ENDOD1: variants seen among roughly 807,000 people sequenced by gnomAD.
The protein encoded by ENDOD1 is endonuclease domain containing 1.
A neutral mutation model predicts 6.5 loss-of-function variants in ENDOD1; 9 were observed. That is an observed-to-expected ratio of 1.39 (90% CI 0.84 to 2.43). The LOEUF (loss-of-function observed/expected upper bound fraction) is 2.43. Among genes scored for constraint, ENDOD1 ranks in the 30% most tolerant of loss-of-function variants. The probability of loss-of-function intolerance (pLI) is 0.00; values close to 1 mark genes in which losing one functional copy is unlikely to be tolerated. For missense variants in ENDOD1, 648 were observed against 635.5 expected, an observed-to-expected ratio of 1.02 and a Z score of -0.21; for synonymous variants, 255 against 255.2, an observed-to-expected ratio of 1.00 and a Z score of 0.01.
At chr11:95,118,385 A>T (rs782801737) in intron 1 of ENDOD1, among the ~76,000 whole-genome samples, 2 of 152,126 alleles carry the variant, frequency 1.3e-5, no homozygotes, top group Non-Finnish European at 2.9e-5. Context: ...TTGTCTGGGA[A>T]AGTGGTTATT....
chr11:95,125,846 T>A (rs1286303129), intron 1 of ENDOD1, among the ~76,000 whole-genome samples: 1 of 152,188 alleles, frequency 6.6e-6, no homozygotes, highest in Non-Finnish European at 1.5e-5. Flanking sequence ...TCTATCACTG[T>A]TGGACATTTG....
intron 1 of ENDOD1, among the ~76,000 whole-genome samples, chr11:95,125,228 C>T (rs1377356138): frequency 6.6e-6 from 1 of 152,136 alleles, no homozygotes. Context: ...GGAATGAAGG[C>T]ACTGCACCAG....
chr11:95,125,250 A>G (rs1465138983), intron 1 of ENDOD1, among the ~76,000 whole-genome samples: 1 of 152,172 alleles, frequency 6.6e-6, no homozygotes, highest in Admixed American at 6.5e-5. Context: ...TTAAGTGCAT[A>G]CAAAATGCTC....
chr11:95,125,571 CT>C (rs1859303601), intron 1 of ENDOD1, among the ~76,000 whole-genome samples: 1 of 151,806 alleles, frequency 6.6e-6, no homozygotes, highest in Admixed American at 6.6e-5. Flanking sequence ...TTAGGTATAT[CT>C]CCTAATGCTA....
intron 1 of ENDOD1, among the ~76,000 whole-genome samples, chr11:95,113,177 A>G (rs899588542): frequency 6.6e-6 from 1 of 152,126 alleles, no homozygotes; most frequent in African/African-American, 2.4e-5. Context: ...TGCAATGTCT[A>G]ATAATCACAT....
chr11:95,128,849 T>A lies in ENDOD1; in HGVS notation c.773T>A (p.Leu258His). 6.2e-7 allele frequency: 1 copy of A among 1,614,174 alleles called. No individual in the cohort carries two copies. The highest frequency in any genetic ancestry group is 1.1e-5 in the South Asian group (1 of 91,072). The change falls in exon 2 of 2, where the codon CTT becomes CAT. Residue 258 changes from leucine (L) to histidine (H), a missense_variant. Transcript: ENST00000278505. ...ATGGTAAAAGATCTTCAGAAACTGC[T>A]TCCATTTAACCCTCAGCTGTTTCAG... ...DVMVKDLQKLLPFNPQLFQNN... is the reference protein window; with the variant it reads ...DVMVKDLQKLHPFNPQLFQNN...
At chr11:95,115,721 G>T (rs1859202505) in intron 1 of ENDOD1, among the ~76,000 whole-genome samples, 1 of 152,004 alleles carries the variant, frequency 6.6e-6, no homozygotes, top group Non-Finnish European at 1.5e-5. Context: ...TCTATCAAAT[G>T]CTTTTTCATC....
intron 1 of ENDOD1, among the ~76,000 whole-genome samples, chr11:95,110,811 G>C (rs944247295): frequency 2.6e-5 from 4 of 152,126 alleles, no homozygotes; most frequent in African/African-American, 9.7e-5. Context: ...ACTGGTCTCA[G>C]CTGGGACACC....
At chr11:95,103,855 T>A (rs1201613809) in intron 1 of ENDOD1, among the ~76,000 whole-genome samples, 1 of 152,242 alleles carries the variant, frequency 6.6e-6, no homozygotes. Flanking sequence ...GCATATATGT[T>A]AAGCATGTTG....
intron 1 of ENDOD1, among the ~76,000 whole-genome samples, chr11:95,115,846 G>C (rs1555112446): frequency 1.3e-5 from 2 of 152,016 alleles, no homozygotes; most frequent in African/African-American, 4.8e-5. Flanking sequence ...ATCCCACCTG[G>C]TCATGATGAA....
chr11:95,107,215 T>C (rs776809091), intron 1 of ENDOD1, among the ~76,000 whole-genome samples: 14 of 151,544 alleles, frequency 9.2e-5, no homozygotes, highest in African/African-American at 1.5e-4. Flanking sequence ...TGGGTTGTAG[T>C]CCCAGCTACT....
At chr11:95,100,145 T>G (rs1465333963) in intron 1 of ENDOD1, among the ~76,000 whole-genome samples, 1 of 152,210 alleles carries the variant, frequency 6.6e-6, no homozygotes, top group Non-Finnish European at 1.5e-5. Flanking sequence ...ATGACCTTAC[T>G]TTCTGCTCCT....
At position 95,130,242 on chromosome 11, in the gene ENDOD1, A is replaced by T. The variant is rs1010742643; in HGVS notation, c.*663A>T. ...TTAGGTAATGATAAGCATTTTTTAA[A>T]AAATCATTTTTAGGTAATGGTAAGC... On this transcript the variant is annotated 3_prime_UTR_variant, in exon 2 of 2. Transcript: ENST00000278505. The T allele has an allele frequency of 1.3e-5, 2 of 152,202 alleles. No individual in the cohort carries two copies. The highest frequency in any genetic ancestry group is 4.8e-5 in the African/African-American group (2 of 41,454). The allele number at this position is 152,202 out of a possible 1,614,324, so 9.4% of individuals were successfully genotyped here. A position where few individuals can be genotyped will look rare whatever the true frequency, so the allele number is the denominator to read the frequency against.
chr11:95,107,755 G>C (rs1859104231), intron 1 of ENDOD1, among the ~76,000 whole-genome samples: 2 of 152,216 alleles, frequency 1.3e-5, no homozygotes, highest in African/African-American at 4.8e-5. Flanking sequence ...CTGCCTCCCG[G>C]GTTCAAGCGA....
rs183624067 is a variant in ENDOD1 at position 95,108,118 on chromosome 11, G to C, written c.300+17891G>C. On this transcript the variant is annotated intron_variant, in intron 1 of 1. Coordinates refer to ENST00000278505, the MANE Select transcript of ENDOD1 (RefSeq NM_015036.3). Reference sequence around the variant, plus strand: ...GCTTTCTTGCCTGCATTTATTGCCAGTTTGGAGTTGGTGAATTTAAAGAAT... The same window carrying C: ...GCTTTCTTGCCTGCATTTATTGCCACTTTGGAGTTGGTGAATTTAAAGAAT... Among the ~76,000 whole-genome samples, 47 of 152,336 alleles carry C rather than the reference G, an allele frequency of 3.1e-4. No individual in the cohort carries two copies. The East Asian group carries it at 7.7e-3, about 25-fold the overall frequency.
rs749184780 is a variant in ENDOD1, at chr11:95,128,360, T to C, written c.301-17T>C. 59 of 1,603,186 alleles carry C rather than the reference T, an allele frequency of 3.7e-5. No individual in the cohort carries two copies. Among genetic ancestry groups the C allele is most frequent in the Non-Finnish European group, 4.9e-5 (58 of 1,174,594 alleles). On this transcript the variant is annotated splice_polypyrimidine_tract_variant and intron_variant, in intron 1 of 1. Coordinates refer to ENST00000278505, the MANE Select transcript of ENDOD1 (RefSeq NM_015036.3). ...TGTAAGCAGGGATGCATCTCACCAC[T>C]TGTTTTCTTCTTGCAGATCGATGAC...
intron 1 of ENDOD1, among the ~76,000 whole-genome samples, chr11:95,108,688 G>C (rs186679973): frequency 2.0e-5 from 3 of 151,982 alleles, no homozygotes; most frequent in East Asian, 3.9e-4. Context: ...AGCTGAAAAG[G>C]CCTCATGCTT....
At position 95,129,716 on chromosome 11, in the gene ENDOD1, G is replaced by A; in HGVS notation, c.*137G>A. 1.1e-6 allele frequency: 1 copy of A among 878,542 alleles called. No individual in the cohort carries two copies. The highest frequency in any genetic ancestry group is 1.7e-6 in the Non-Finnish European group (1 of 580,510). The allele number at this position is 878,542 out of a possible 1,614,324, so 54.4% of individuals were successfully genotyped here. ...GGGATGTCTGCTTGTTTTTGCAAAAGAAGATGGCAGAATTTAGACTTGACA... is the reference window on the plus strand; with the variant it reads ...GGGATGTCTGCTTGTTTTTGCAAAAAAAGATGGCAGAATTTAGACTTGACA... On this transcript the variant is annotated 3_prime_UTR_variant, in exon 2 of 2. Transcript: ENST00000278505.
intron 1 of ENDOD1, among the ~76,000 whole-genome samples, chr11:95,102,736 T>C (rs1286997736): frequency 2.6e-5 from 4 of 152,086 alleles, no homozygotes; most frequent in African/African-American, 9.7e-5. Flanking sequence ...AGGATTTAGG[T>C]TGGATACAAA....
Sources: allele counts gnomAD v4.1 joint callset (sites outside exome capture counted in the v4.1 genomes callset), GRCh38; gene constraint gnomAD v4.1.1; transcripts MANE v1.5; gene names NCBI Gene and HGNC (gene_info 2026-07-23, HGNC 2026-07-21).